BMAL1: variants seen among roughly 807,000 people sequenced by gnomAD.
The protein encoded by BMAL1 is basic helix-loop-helix ARNT like 1.
chr11:13,357,643 C>T, the BMAL1 span, among the ~76,000 whole-genome samples: 2 of 152,366 alleles, frequency 1.3e-5, no homozygotes, highest in Non-Finnish European at 2.9e-5. This position sits in a 1 kb window ranked among gnomAD's most constrained non-coding sequence, Gnocchi z 4.8. Context: ...TGCGTCATGA[C>T]AGACTGATAC....
chr11:13,307,526 G>C, the BMAL1 span, among the ~76,000 whole-genome samples: 1 of 152,196 alleles, frequency 6.6e-6, no homozygotes, highest in Non-Finnish European at 1.5e-5. Flanking sequence ...AAGGAGAAGG[G>C]GGTCTTATGG....
At chr11:13,363,127 CATATATATATATATATATATATAT>C in the BMAL1 span, among the ~76,000 whole-genome samples, 31 of 109,920 alleles carry the variant, frequency 2.8e-4, no homozygotes, top group East Asian at 1.9e-3. Context: ...GTCTTTATTT[CATATATATATATATATATATATAT>C]ATATATATAT....
the BMAL1 span, among the ~76,000 whole-genome samples, chr11:13,328,682 A>G: frequency 6.6e-6 from 1 of 152,248 alleles, no homozygotes. Flanking sequence ...AACTGAATTC[A>G]TCACAGATAA....
the BMAL1 span, among the ~76,000 whole-genome samples, chr11:13,304,724 G>T: frequency 6.6e-6 from 1 of 152,168 alleles, no homozygotes; most frequent in Non-Finnish European, 1.5e-5. Flanking sequence ...CTAGGGGGGT[G>T]AGATATGCCT....
the BMAL1 span, among the ~76,000 whole-genome samples, chr11:13,320,980 CTAGAGA>C: frequency 6.6e-6 from 1 of 152,302 alleles, no homozygotes; most frequent in South Asian, 2.1e-4. Flanking sequence ...GCTGTATCCA[CTAGAGA>C]TAAAGTTACA....
At chr11:13,310,355 T>C in the BMAL1 span, among the ~76,000 whole-genome samples, 1 of 151,964 alleles carries the variant, frequency 6.6e-6, no homozygotes, top group African/African-American at 2.4e-5. Context: ...CAAGCTAGAT[T>C]GAAAAAAGTC....
chr11:13,362,334 T>A, the BMAL1 span, among the ~76,000 whole-genome samples: 3 of 152,190 alleles, frequency 2.0e-5, no homozygotes, highest in Non-Finnish European at 2.9e-5. Flanking sequence ...GTTTTTTACA[T>A]CTTGTATAGG....
the BMAL1 span, among the ~76,000 whole-genome samples, chr11:13,357,798 C>A: frequency 6.6e-6 from 1 of 152,230 alleles, no homozygotes; most frequent in Non-Finnish European, 1.5e-5. The surrounding 1 kb of genome is among the most constrained non-coding windows in gnomAD (Gnocchi z 4.8). Context: ...GGAGGACCAT[C>A]ACCAATGGCA....
At chr11:13,311,509 A>G in the BMAL1 span, among the ~76,000 whole-genome samples, 3 of 152,238 alleles carry the variant, frequency 2.0e-5, no homozygotes, top group South Asian at 6.2e-4. Context: ...AGAGGAAGCC[A>G]GGTTACATGG....
the BMAL1 span, among the ~76,000 whole-genome samples, chr11:13,338,441 A>C: frequency 6.6e-6 from 1 of 152,236 alleles, no homozygotes; most frequent in African/African-American, 2.4e-5. Context: ...ACGTTTAAAC[A>C]GAAAGGATCA....
At chr11:13,378,331 T>C in the BMAL1 span, 1,613 of 1,604,114 alleles carry the variant, frequency 1.0e-3, 3 homozygotes, top group Non-Finnish European at 1.2e-3. Flanking sequence ...GATTCCTTTG[T>C]TGTAGGTGGC....
chr11:13,375,080 T>C, the BMAL1 span, among the ~76,000 whole-genome samples: 1 of 152,304 alleles, frequency 6.6e-6, no homozygotes, highest in East Asian at 1.9e-4. Flanking sequence ...TCTCCCTGTA[T>C]AGCCTTCCCT....
chr11:13,352,987 G>A, the BMAL1 span, among the ~76,000 whole-genome samples: 1 of 152,242 alleles, frequency 6.6e-6, no homozygotes, highest in African/African-American at 2.4e-5. Context: ...TTTGCTTAAT[G>A]CTTTTAAAAT....
chr11:13,284,162 G>GTA, the BMAL1 span, among the ~76,000 whole-genome samples: 627 of 82,438 alleles, frequency 7.6e-3, 42 homozygotes, highest in African/African-American at 0.024. Context: ...ATATATATGT[G>GTA]TGTATATATA....
At chr11:13,328,694 A>AT in the BMAL1 span, among the ~76,000 whole-genome samples, 23 of 152,240 alleles carry the variant, frequency 1.5e-4, no homozygotes, top group Non-Finnish European at 1.9e-4. Flanking sequence ...CACAGATAAG[A>AT]TTAGTTGATA....
At chr11:13,306,834 G>A in the BMAL1 span, among the ~76,000 whole-genome samples, 1 of 152,254 alleles carries the variant, frequency 6.6e-6, no homozygotes. Context: ...GATGCTGCCA[G>A]CGGTCCAGTT....
the BMAL1 span, among the ~76,000 whole-genome samples, chr11:13,317,658 A>C: frequency 6.6e-6 from 1 of 152,236 alleles, no homozygotes; most frequent in African/African-American, 2.4e-5. Flanking sequence ...TAGCTAAATA[A>C]ATATAAACAA....
the BMAL1 span, among the ~76,000 whole-genome samples, chr11:13,297,598 C>T: frequency 3.3e-5 from 5 of 152,116 alleles, no homozygotes; most frequent in African/African-American, 1.2e-4. Flanking sequence ...ATTGCCCTTG[C>T]CATGTGTCCC....
chr11:13,281,178 C>T, the BMAL1 span, among the ~76,000 whole-genome samples: 2 of 152,126 alleles, frequency 1.3e-5, no homozygotes, highest in African/African-American at 2.4e-5. Context: ...TGCTGTTTGT[C>T]CTTAGTCTCC....
Sources: allele counts gnomAD v4.1 joint callset (sites outside exome capture counted in the v4.1 genomes callset), GRCh38; gene constraint gnomAD v4.1.1; non-coding constraint Gnocchi (gnomAD v3.1); transcripts MANE v1.5; gene names NCBI Gene and HGNC (gene_info 2026-07-23, HGNC 2026-07-21).